Variants in SHQ1 observed in about 807,000 individuals in gnomAD.
The protein encoded by SHQ1 is protein SHQ1 homolog.
Under a neutral mutation model 53.8 loss-of-function variants are expected in SHQ1, and 49 were observed. That is an observed-to-expected ratio of 0.91 (90% CI 0.72 to 1.16). The LOEUF (loss-of-function observed/expected upper bound fraction) is 1.16. Ranked by LOEUF, SHQ1 falls within the 50% of genes most tolerant of loss-of-function variation. The pLI is 0.00. For synonymous variants in SHQ1, 243 were observed against 251.0 expected, an observed-to-expected ratio of 0.97 and a Z score of 0.30; for missense variants, 738 against 683.1, an observed-to-expected ratio of 1.08 and a Z score of -0.90.
At chr3:72,792,784 C>CA (rs59948195) in intron 10 of SHQ1, 132 bp downstream of exon 10, 23,819 of 257,266 alleles carry the variant, frequency 0.093, 328 homozygotes, top group South Asian at 0.13. Context: ...ACCTCCATCT[C>CA]AAAAAAAAAA....
At position 72,750,495 on chromosome 3, in the gene SHQ1, C is replaced by T; in HGVS notation, c.1523G>A (p.Gly508Glu). 6.2e-7 allele frequency: 1 copy of T among 1,614,174 alleles called. No individual in the cohort carries two copies. The highest frequency in any genetic ancestry group is 8.5e-7 in the Non-Finnish European group (1 of 1,180,044). The change falls in exon 11 of 11, where the codon GGA becomes GAA. Residue 508 changes from glycine to glutamate, a missense_variant. Transcript: ENST00000325599. ...ESSAFLIVDG[G>E]VRRNTAIQES... Reference sequence around the variant, plus strand: ...CTGGATGGCTGTGTTTCTGCGTACTCCACCATCAACAATAAGAAAGGCACT... The same window carrying T: ...CTGGATGGCTGTGTTTCTGCGTACTTCACCATCAACAATAAGAAAGGCACT...
the SHQ1 span, among the ~76,000 whole-genome samples, chr3:72,739,352 A>C: frequency 1.3e-5 from 2 of 151,452 alleles, 1 homozygote; most frequent in South Asian, 4.2e-4. Flanking sequence ...AGGAAATCCG[A>C]CTGGAGGGAA....
chr3:72,748,423 G>A (rs533663083), downstream of SHQ1, among the ~76,000 whole-genome samples: 27 of 149,232 alleles, frequency 1.8e-4, no homozygotes, highest in African/African-American at 6.4e-4. Context: ...GGGCGTGGTC[G>A]CTCATGCCTG....
At chr3:72,726,203 G>A in the SHQ1 span, among the ~76,000 whole-genome samples, 1 of 152,168 alleles carries the variant, frequency 6.6e-6, no homozygotes, top group Non-Finnish European at 1.5e-5. Context: ...GCCTATAAAG[G>A]CATAGCAAAG....
intron 10 of SHQ1, among the ~76,000 whole-genome samples, chr3:72,778,064 T>C (rs931096202): frequency 5.9e-5 from 9 of 152,156 alleles, no homozygotes; most frequent in African/African-American, 1.9e-4. Flanking sequence ...AAAGTAATGA[T>C]TGACATAAAA....
chr3:72,749,620 C>A lies in SHQ1; in HGVS notation c.*664G>T, dbSNP rs1328874074. 1.4e-5 allele frequency: 3 copies of A among 219,162 alleles called. No homozygotes were observed. The highest frequency in any genetic ancestry group is 3.7e-4 in the South Asian group (2 of 5,402). 13.6% of individuals were successfully genotyped at this position (219,162 alleles called of 1,614,324 possible). ...GATAGTTTTACGCAGGGTATACATA[C>A]GCCAACACATTGTACACTTTTGATA... On this transcript the variant is annotated 3_prime_UTR_variant, in exon 11 of 11. Coordinates refer to ENST00000325599, the MANE Select transcript of SHQ1 (RefSeq NM_018130.3).
At chr3:72,765,530 CATATATAT>C (rs10551107) in intron 10 of SHQ1, among the ~76,000 whole-genome samples, 141 of 83,386 alleles carry the variant, frequency 1.7e-3, no homozygotes, top group Non-Finnish European at 2.2e-3. Context: ...ATTCACATGA[CATATATAT>C]ATATATATAT....
chr3:72,761,054 C>T (rs2106717976), intron 10 of SHQ1, among the ~76,000 whole-genome samples: 1 of 152,248 alleles, frequency 6.6e-6, no homozygotes, highest in South Asian at 2.1e-4. Context: ...GAGCTCTAGT[C>T]CTTAGTGCTT....
intron 10 of SHQ1, among the ~76,000 whole-genome samples, chr3:72,792,678 G>A (rs923211111): frequency 4.6e-5 from 7 of 151,566 alleles, no homozygotes; most frequent in Non-Finnish European, 8.8e-5. Flanking sequence ...CCAGCTACTC[G>A]GGAGGCAGAG....
chr3:72,753,779 AGC>A (rs1705440097), intron 10 of SHQ1: 1 of 301,482 alleles, frequency 3.3e-6, no homozygotes, highest in Non-Finnish European at 4.9e-6. Flanking sequence ...TTAAAAGCAT[AGC>A]TATGGAATAT....
rs1489013769 is a variant in SHQ1, at chr3:72,749,655, T to C, written c.*629A>G. 5 of 216,366 alleles carry C rather than the reference T, an allele frequency of 2.3e-5. No homozygotes were observed. The highest frequency in any genetic ancestry group is 1.9e-4 in the South Asian group (1 of 5,388). 13.4% of individuals were successfully genotyped at this position (216,366 alleles called of 1,614,324 possible). A position where few individuals can be genotyped will look rare whatever the true frequency, so the allele number is the denominator to read the frequency against. ...TTGTACACTTTTGATACGTGCAGTT[T>C]ATTGGGTGTCAAGTACACCTCCTAA... On this transcript the variant is annotated 3_prime_UTR_variant, in exon 11 of 11. Coordinates refer to ENST00000325599, the MANE Select transcript of SHQ1 (RefSeq NM_018130.3).
intron 10 of SHQ1, among the ~76,000 whole-genome samples, chr3:72,782,467 C>T (rs1003318480): frequency 6.6e-6 from 1 of 152,170 alleles, no homozygotes; most frequent in African/African-American, 2.4e-5. Flanking sequence ...AAGATATGTT[C>T]CACAGCTCTG....
intron 10 of SHQ1, among the ~76,000 whole-genome samples, chr3:72,780,043 C>T (rs1023065350): frequency 6.6e-6 from 1 of 152,118 alleles, no homozygotes; most frequent in Non-Finnish European, 1.5e-5. Context: ...CGAGACCAGC[C>T]TGAGCAACAC....
rs1277311418 is a variant in SHQ1 at position 72,848,290 on chromosome 3, G to A, written c.51C>T (p.Ile17=). 6.2e-7 allele frequency: 1 copy of A among 1,614,190 alleles called. No homozygotes were observed. The highest frequency in any genetic ancestry group is 8.5e-7 in the Non-Finnish European group (1 of 1,180,034). ...CCCGGGCGTAGGGCACGCGGATGGC[G>A]ATAGTCAGGAAGTCCGGATCCTGGC... is the stretch of plus-strand genomic sequence containing the variant. The part of the protein sequence containing the change: ...DLSQDPDFLT[I]AIRVPYARVS... The change falls in exon 1 of 11, where the codon ATC becomes ATT. Residue 17 remains isoleucine (I), a synonymous_variant. Transcript: ENST00000325599.
At chr3:72,751,475 TA>T (rs1460730724) in intron 10 of SHQ1, among the ~76,000 whole-genome samples, 1 of 114,776 alleles carries the variant, frequency 8.7e-6, no homozygotes, top group East Asian at 2.1e-4. Context: ...AATAAGCACA[TA>T]TGTGTGTGTG....
rs1187095200 is a variant in SHQ1, at chr3:72,848,379, A to G, written c.-39T>C. On this transcript the variant is annotated 5_prime_UTR_variant, in exon 1 of 11. Transcript: ENST00000325599. ...GCAAGGGCCGGCGCCGCTCGCTCTC[A>G]CTGCCGCCGCGTTCCCGCCACGCAA... 1 of 1,607,488 alleles carries G rather than the reference A, an allele frequency of 6.2e-7. No homozygotes were observed. Among genetic ancestry groups the G allele is most frequent in the Non-Finnish European group, 8.5e-7 (1 of 1,176,640 alleles).
At chr3:72,822,712 GTACAA>G (rs1365697214) in intron 6 of SHQ1, among the ~76,000 whole-genome samples, 3 of 152,146 alleles carry the variant, frequency 2.0e-5, no homozygotes, top group South Asian at 2.1e-4. Context: ...TACCTAGCAT[GTACAA>G]TTAACTATCT....
chr3:72,777,394 G>A (rs966781654), intron 10 of SHQ1, among the ~76,000 whole-genome samples: 18 of 152,194 alleles, frequency 1.2e-4, no homozygotes, highest in Non-Finnish European at 2.5e-4. Flanking sequence ...ACAATAGACA[G>A]ACATTTCATA....
chr3:72,797,629 G>C (rs1482306623), intron 9 of SHQ1, among the ~76,000 whole-genome samples: 1 of 152,158 alleles, frequency 6.6e-6, no homozygotes, highest in Admixed American at 6.5e-5. Flanking sequence ...GTTTTGAAAG[G>C]GAAAGTTACA....
Sources: allele counts gnomAD v4.1 joint callset (sites outside exome capture counted in the v4.1 genomes callset), GRCh38; gene constraint gnomAD v4.1.1; transcripts MANE v1.5; gene names NCBI Gene and HGNC (gene_info 2026-07-23, HGNC 2026-07-21).